ZNF813: variants seen among roughly 807,000 people sequenced by gnomAD.
ZNF813 encodes zinc finger protein 813.
In ZNF813, 3 loss-of-function variants were observed where a neutral mutation model predicts 7.2. The ratio of observed to expected loss-of-function variants is 0.42; its 90% CI spans 0.19 to 1.08. The LOEUF (loss-of-function observed/expected upper bound fraction) is 1.08, where lower values mean the gene tolerates loss of function less well. ZNF813 is among the 50% of genes least tolerant of loss of function. The pLI is 0.30. For synonymous variants in ZNF813, 227 were observed against 256.3 expected, an observed-to-expected ratio of 0.89 and a Z score of 1.09; for missense variants, 714 against 753.3, an observed-to-expected ratio of 0.95 and a Z score of 0.61.
At position 53,490,417 on chromosome 19, in the gene ZNF813, C is replaced by G; in HGVS notation, c.185C>G (p.Ala62Gly). 1 of 1,613,844 alleles carries G rather than the reference C, an allele frequency of 6.2e-7. No homozygotes were observed. The highest frequency in any genetic ancestry group is 2.2e-5 in the East Asian group (1 of 44,842). ...ATGATGAAGGAGTTCTCATCAACAGCACAAGGCAATAGAGAAGTGATCCAC... is the reference window on the plus strand; with the variant it reads ...ATGATGAAGGAGTTCTCATCAACAGGACAAGGCAATAGAGAAGTGATCCAC... Reference protein sequence around the residue: ...KCMMKEFSSTAQGNREVIHTG... With the variant: ...KCMMKEFSSTGQGNREVIHTG... The change falls in exon 4 of 4, where the codon GCA becomes GGA. Residue 62 changes from alanine (A) to glycine (G), a missense_variant. Coordinates refer to ENST00000396403, the MANE Select transcript of ZNF813 (RefSeq NM_001004301.4).
At position 53,491,899 on chromosome 19, in the gene ZNF813, G is replaced by A. The variant is rs1361221946; in HGVS notation, c.1667G>A (p.Cys556Tyr). The change falls in exon 4 of 4, where the codon TGT (cysteine) becomes TAT (tyrosine). Residue 556 changes from cysteine to tyrosine, a missense_variant. By Grantham distance (194) the Cys-to-Tyr change is radical. This residue lies in a region of ZNF813 where 122 missense variants were observed against 146.8 expected (regional missense o/e 0.83). Coordinates refer to ENST00000396403, the MANE Select transcript of ZNF813 (RefSeq NM_001004301.4). The part of the protein sequence containing the change: ...TGDKPYKCNE[C>Y]GKVFNQKAHL... ...GATAAACCTTACAAGTGTAATGAAT[G>A]TGGCAAGGTTTTTAATCAAAAAGCA... is the stretch of plus-strand genomic sequence containing the variant. The A allele has an allele frequency of 1.2e-6, 2 of 1,613,004 alleles. No homozygotes were observed. The highest frequency in any genetic ancestry group is 2.7e-5 in the African/African-American group (2 of 74,976).
intron 1 of ZNF813, among the ~76,000 whole-genome samples, chr19:53,482,250 G>A (rs542511149): frequency 7.9e-5 from 12 of 152,324 alleles, no homozygotes; most frequent in Non-Finnish European, 1.5e-4. Flanking sequence ...CTCAGACACA[G>A]AGACCATCTT....
At position 53,491,904 on chromosome 19, in the gene ZNF813, A is replaced by T; in HGVS notation, c.1672A>T (p.Lys558Ter). 1.2e-6 allele frequency: 2 copies of T among 1,610,870 alleles called. No homozygotes were observed. The highest frequency in any genetic ancestry group is 1.7e-6 in the Non-Finnish European group (2 of 1,178,084). ...DKPYKCNECGKVFNQKAHLAR... is the reference protein window; with the variant it reads ...DKPYKCNECG ...ACCTTACAAGTGTAATGAATGTGGC[A>T]AGGTTTTTAATCAAAAAGCACACCT... Residue 558 changes from lysine to a stop codon, truncating the protein, a stop_gained, in exon 4 of 4, where the codon AAG becomes TAG. Coordinates refer to ENST00000396403, the MANE Select transcript of ZNF813 (RefSeq NM_001004301.4). LOFTEE classifies it low-confidence loss of function (END_TRUNC).
chr19:53,471,600 G>A (rs1252971345), intron 1 of ZNF813, among the ~76,000 whole-genome samples: 1 of 151,922 alleles, frequency 6.6e-6, no homozygotes, highest in African/African-American at 2.4e-5. Flanking sequence ...ACAAGGTCAG[G>A]AGATCAAGAC....
rs2086420570 is a variant in ZNF813, at chr19:53,483,806, A to C, written c.-17A>C. 6.2e-7 allele frequency: 1 copy of C among 1,613,258 alleles called. No individual in the cohort carries two copies. Among genetic ancestry groups the C allele is most frequent in the South Asian group, 1.1e-5 (1 of 91,076 alleles). On this transcript the variant is annotated 5_prime_UTR_variant, in exon 2 of 4. Transcript: ENST00000396403. ...GAAGAAACCTGGAAGAGGAAGAGGAAAGCAAAGGAGTCAGGGATGGCTCTT... is the reference window on the plus strand; with the variant it reads ...GAAGAAACCTGGAAGAGGAAGAGGACAGCAAAGGAGTCAGGGATGGCTCTT...
intron 1 of ZNF813, among the ~76,000 whole-genome samples, chr19:53,476,188 A>G (rs1043175142): frequency 6.6e-6 from 1 of 152,220 alleles, no homozygotes. Flanking sequence ...CTTATTTTCT[A>G]TAGGAAATGG....
Position 53,490,584 on chromosome 19 carries a change from A to C in ZNF813, c.352A>C (p.Lys118Gln), listed in dbSNP as rs779560483. The C allele has an allele frequency of 1.2e-6, 2 of 1,614,212 alleles. No individual in the cohort carries two copies. Among genetic ancestry groups the C allele is most frequent in the Non-Finnish European group, 1.7e-6 (2 of 1,180,036 alleles). The change falls in exon 4 of 4, where the codon AAG becomes CAG. Residue 118 changes from lysine to glutamine, a missense_variant. Around this residue, in one of 3 missense-constraint regions of ZNF813, gnomAD observed 563 missense variants for 554.2 expected, o/e 1.02. Coordinates refer to ENST00000396403, the MANE Select transcript of ZNF813 (RefSeq NM_001004301.4). ...SHEAPMTEIK[K>Q]LTGSADRYDQ... ...TGAAGCACCCATGACAGAAATCAAA[A>C]AGTTGACTGGTAGTGCAGACCGATA... is the stretch of plus-strand genomic sequence containing the variant.
intron 2 of ZNF813, among the ~76,000 whole-genome samples, chr19:53,486,114 T>G (rs2147161073): frequency 6.6e-6 from 1 of 152,244 alleles, no homozygotes; most frequent in South Asian, 2.1e-4. Context: ...TCTGAAGGCA[T>G]CACCCATACT....
In ZNF813 at chr19:53,482,712, G is replaced by GTTTT. The variant is rs869250512; in HGVS notation, c.-73-1014_-73-1011dup. On this transcript the variant is annotated intron_variant, in intron 1 of 3. Coordinates refer to ENST00000396403, the MANE Select transcript of ZNF813 (RefSeq NM_001004301.4). Reference sequence around the variant, plus strand: ...ATCAATCACATCAGGAATGCTTTTTGTTTTTTTTTTTTTTTTTTTTTTTTT... The same window carrying GTTTT: ...ATCAATCACATCAGGAATGCTTTTTGTTTTTTTTTTTTTTTTTTTTTTTTTTTTT... 2.6e-3 allele frequency among the ~76,000 whole-genome samples: 231 copies of GTTTT among 89,082 alleles called. 31 individuals carry two copies. Among genetic ancestry groups the GTTTT allele is most frequent in the South Asian group, 0.01 (26 of 2,562 alleles). The allele number at this position is 89,082 out of a possible 152,430, so 58.4% of individuals were successfully genotyped here.
chr19:53,487,766 C>T (rs2086440952), intron 3 of ZNF813, among the ~76,000 whole-genome samples: 1 of 145,436 alleles, frequency 6.9e-6, no homozygotes. Context: ...CCATTGCCCT[C>T]CAGCCTGGGC....
intron 1 of ZNF813, among the ~76,000 whole-genome samples, chr19:53,473,425 C>T (rs1341540148): frequency 6.6e-6 from 1 of 152,198 alleles, no homozygotes; most frequent in East Asian, 1.9e-4. Flanking sequence ...GCAGGGCTGT[C>T]GTCCTCAGCA....
chr19:53,484,395 ATTACT>A (rs1479610386), intron 2 of ZNF813, among the ~76,000 whole-genome samples: 1 of 152,176 alleles, frequency 6.6e-6, no homozygotes, highest in Non-Finnish European at 1.5e-5. Flanking sequence ...TTATCCCATC[ATTACT>A]TTAAGAATAG....
chr19:53,482,001 T>C (rs1313050284), intron 1 of ZNF813, among the ~76,000 whole-genome samples: 1 of 152,084 alleles, frequency 6.6e-6, no homozygotes, highest in East Asian at 1.9e-4. Flanking sequence ...AATTTCTCTT[T>C]CTCTGAGCCC....
chr19:53,472,282 T>C (rs2086363276), intron 1 of ZNF813, among the ~76,000 whole-genome samples: 1 of 152,196 alleles, frequency 6.6e-6, no homozygotes, highest in Non-Finnish European at 1.5e-5. Flanking sequence ...GGTGCCACGA[T>C]ATGCAATACT....
rs188096558 is a variant in ZNF813 at position 53,483,757 on chromosome 19, T to C, written c.-66T>C. The C allele has an allele frequency of 4.1e-5, 66 of 1,610,498 alleles. No individual in the cohort carries two copies. The East Asian group carries it at 1.5e-3, about 36-fold the overall frequency. ...CATATTTCTAACATTCAGGATTGAC[T>C]TCTAAAGACTCTTGGTATGTGAGGA... On this transcript the variant is annotated 5_prime_UTR_variant, in exon 2 of 4. Transcript: ENST00000396403.
intron 1 of ZNF813, 29 bp downstream of exon 1, chr19:53,467,818 C>T (rs2086334784): frequency 6.4e-6 from 1 of 156,522 alleles, no homozygotes; most frequent in South Asian, 1.7e-4. Flanking sequence ...TGTATTAGGT[C>T]TGCACTTCCC....
intron 1 of ZNF813, among the ~76,000 whole-genome samples, chr19:53,476,864 T>G (rs1315220642): frequency 1.3e-5 from 2 of 151,896 alleles, no homozygotes; most frequent in African/African-American, 2.4e-5. Context: ...GGGTTTCACC[T>G]TGTTAACCAG....
chr19:53,483,891 G>A, intron 2 of ZNF813, 54 bp downstream of exon 2: 1 of 1,613,554 alleles, frequency 6.2e-7, no homozygotes, highest in Non-Finnish European at 8.5e-7. Context: ...AGAAATGCTG[G>A]GCCTTGGAGT....
rs1232892322 is a variant in ZNF813 at position 53,493,904 on chromosome 19, A to C, written c.*1818A>C. Reference sequence around the variant, plus strand: ...ATCATTCCATGTTCCCTGCTTCGTTATCTACTCGTTGGTCATTTCATGGAT... The same window carrying C: ...ATCATTCCATGTTCCCTGCTTCGTTCTCTACTCGTTGGTCATTTCATGGAT... On this transcript the variant is annotated 3_prime_UTR_variant, in exon 4 of 4. Coordinates refer to ENST00000396403, the MANE Select transcript of ZNF813 (RefSeq NM_001004301.4). 6.6e-6 allele frequency: 1 copy of C among 152,324 alleles called. No homozygotes were observed. The highest frequency in any genetic ancestry group is 1.5e-5 in the Non-Finnish European group (1 of 68,040). 9.4% of individuals were successfully genotyped at this position (152,324 alleles called of 1,614,324 possible). A position where few individuals can be genotyped will look rare whatever the true frequency, so the allele number is the denominator to read the frequency against.
Sources: gnomAD v4.1 joint callset for allele counts (sites outside exome capture counted in the v4.1 genomes callset) on GRCh38, gnomAD v4.1.1 for gene constraint, gnomAD v4.1.1 regional missense constraint, MANE v1.5 for transcripts, NCBI Gene and HGNC (gene_info 2026-07-23, HGNC 2026-07-21) for gene names.